The following CUBN variants were observed in gnomAD, a reference collection of about 807,000 sequenced individuals.
CUBN encodes cubilin.
Under a neutral mutation model 405.3 loss-of-function variants are expected in CUBN, and 282 were observed. The ratio of observed to expected loss-of-function variants is 0.70; its 90% CI spans 0.63 to 0.77. CUBN has a LOEUF of 0.77. Among genes scored for constraint, CUBN ranks in the 30% least tolerant of loss-of-function variants. The probability of loss-of-function intolerance (pLI) is 0.00; values close to 1 mark genes in which losing one functional copy is unlikely to be tolerated. For missense variants in CUBN, 4,514 were observed against 4,475.2 expected, an observed-to-expected ratio of 1.01 and a Z score of -0.25; for synonymous variants, 1,684 against 1,617.0, an observed-to-expected ratio of 1.04 and a Z score of -0.99.
chr10:16,874,164 C>T (rs1162636564), intron 58 of CUBN, among the ~76,000 whole-genome samples: 1 of 152,148 alleles, frequency 6.6e-6, no homozygotes, highest in Non-Finnish European at 1.5e-5. Context: ...CTGGTGAGTG[C>T]TTGTTTTTTG....
At chr10:16,903,206 G>A (rs1346193487) in intron 51 of CUBN, among the ~76,000 whole-genome samples, 3 of 152,058 alleles carry the variant, frequency 2.0e-5, no homozygotes, top group African/African-American at 7.3e-5. Flanking sequence ...TCATCTCAAT[G>A]GATGCAGAAA....
At chr10:17,039,786 T>C (rs1834976622) in intron 27 of CUBN, among the ~76,000 whole-genome samples, 1 of 152,200 alleles carries the variant, frequency 6.6e-6, no homozygotes. Flanking sequence ...AACTTTCTAA[T>C]GGGTAAACAC....
chr10:16,997,017 T>C (rs1376813348), intron 28 of CUBN, among the ~76,000 whole-genome samples: 1 of 152,194 alleles, frequency 6.6e-6, no homozygotes. Flanking sequence ...ACGTGCTTCA[T>C]TAAAATGCTC....
At position 16,920,711 on chromosome 10, in the gene CUBN, A is replaced by G. The variant is rs113323959; in HGVS notation, c.6647-574T>C. Among the ~76,000 whole-genome samples the G allele has an allele frequency of 9.1e-4, 139 of 152,324 alleles. 1 individual carries two copies. Among genetic ancestry groups the G allele is most frequent in the African/African-American group, 3.3e-3 (136 of 41,580 alleles). On this transcript the variant is annotated intron_variant, in intron 43 of 66. Transcript: ENST00000377833. Reference sequence around the variant, plus strand: ...GCTTTTTAATATTTCTTTTCTAAAAAACCAAAGCATTATCAAAAAATATTT... The same window carrying G: ...GCTTTTTAATATTTCTTTTCTAAAAGACCAAAGCATTATCAAAAAATATTT...
chr10:16,963,528 T>G (rs1843299835), intron 31 of CUBN, among the ~76,000 whole-genome samples: 1 of 152,130 alleles, frequency 6.6e-6, no homozygotes, highest in African/African-American at 2.4e-5. Flanking sequence ...ACAGAAAAGT[T>G]AAAAGCTAGC....
chr10:17,083,186 T>G (rs1836010270), intron 17 of CUBN, among the ~76,000 whole-genome samples: 2 of 152,042 alleles, frequency 1.3e-5, no homozygotes, highest in Admixed American at 1.3e-4. Flanking sequence ...CATTCTGAAA[T>G]GATCTTAAAT....
Position 17,044,999 on chromosome 10 carries a change from A to C in CUBN, c.3672+8T>G, listed in dbSNP as rs1835094602. ...CAGGGAACAATATGATGGAAACATTATACATACAGCCAGGTAATCTAAAGT... is the reference window on the plus strand; with the variant it reads ...CAGGGAACAATATGATGGAAACATTCTACATACAGCCAGGTAATCTAAAGT... On this transcript the variant is annotated splice_region_variant and intron_variant, in intron 25 of 66. Transcript: ENST00000377833. 6.2e-7 allele frequency: 1 copy of C among 1,613,064 alleles called. No homozygotes were observed. The highest frequency in any genetic ancestry group is 8.5e-7 in the Non-Finnish European group (1 of 1,179,176).
intron 28 of CUBN, among the ~76,000 whole-genome samples, chr10:17,010,012 C>T (rs1259327999): frequency 1.3e-5 from 2 of 152,220 alleles, no homozygotes; most frequent in Non-Finnish European, 2.9e-5. Flanking sequence ...TTCCTCAGAG[C>T]GGTCCATAGA....
chr10:16,882,612 G>C (rs527822519), intron 56 of CUBN, among the ~76,000 whole-genome samples: 1 of 152,336 alleles, frequency 6.6e-6, no homozygotes, highest in African/African-American at 2.4e-5. Flanking sequence ...TCCAAAGTGG[G>C]GGGAGGGCGT....
chr10:16,877,790 C>G (rs1840554908), intron 56 of CUBN, among the ~76,000 whole-genome samples: 1 of 151,864 alleles, frequency 6.6e-6, no homozygotes, highest in African/African-American at 2.4e-5. Context: ...AAATATAAAA[C>G]AAAATAAACA....
intron 33 of CUBN, among the ~76,000 whole-genome samples, chr10:16,951,655 G>A (rs889328288): frequency 2.6e-5 from 4 of 152,010 alleles, no homozygotes; most frequent in Admixed American, 6.6e-5. Context: ...CCTTACCATC[G>A]GACTGTTACC....
At chr10:17,072,510 G>A (rs1835763588) in intron 17 of CUBN, among the ~76,000 whole-genome samples, 1 of 152,072 alleles carries the variant, frequency 6.6e-6, no homozygotes, top group African/African-American at 2.4e-5. Flanking sequence ...AAGGTGAGAG[G>A]AATTGGAGAC....
At chr10:17,115,439 T>A (rs773681582) in intron 7 of CUBN, 32 bp downstream of exon 7, 20 of 1,612,906 alleles carry the variant, frequency 1.2e-5, no homozygotes, top group Non-Finnish European at 1.6e-5. Context: ...CATGGCTCTC[T>A]GCAAGGAGGC....
chr10:17,068,150 G>C lies in CUBN; in HGVS notation c.2922C>G (p.Phe974Leu), dbSNP rs201802902. 2.5e-6 allele frequency: 4 copies of C among 1,613,502 alleles called. No individual in the cohort carries two copies. The highest frequency in any genetic ancestry group is 2.2e-5 in the East Asian group (1 of 44,856). Residue 974 changes from phenylalanine to leucine, a missense_variant, in exon 21 of 67, where the codon TTC (phenylalanine) becomes TTG (leucine). Phe to Leu is a conservative substitution (Grantham distance 22, BLOSUM62 0). Around this residue, in one of 5 missense-constraint regions of CUBN, gnomAD observed 1,448 missense variants for 1,388.0 expected, o/e 1.04. Coordinates refer to ENST00000377833, the MANE Select transcript of CUBN (RefSeq NM_001081.4). ...VQPNHLIHLMFETFHLEFHYN... is the reference protein window; with the variant it reads ...VQPNHLIHLMLETFHLEFHYN... ...AATGAAACTCCAGATGAAATGTTTC[G>C]AACATTAAATGAATCAGGTGATTAG...
At chr10:17,043,677 A>G in intron 26 of CUBN, 150 bp downstream of exon 26, 1 of 1,051,554 alleles carries the variant, frequency 9.5e-7, no homozygotes, top group South Asian at 1.3e-5. Context: ...CGTTACACTT[A>G]TTTCAGTTTG....
At chr10:17,073,973 C>T (rs1296746729) in intron 17 of CUBN, among the ~76,000 whole-genome samples, 1 of 152,144 alleles carries the variant, frequency 6.6e-6, no homozygotes, top group African/African-American at 2.4e-5. Context: ...TTATTCTGGA[C>T]ATTTTTGGAG....
intron 31 of CUBN, among the ~76,000 whole-genome samples, chr10:16,967,384 A>G (rs1843422673): frequency 6.6e-6 from 1 of 152,230 alleles, no homozygotes; most frequent in Non-Finnish European, 1.5e-5. Flanking sequence ...TTACTTTCAC[A>G]AATAAACATT....
At position 16,939,155 on chromosome 10, in the gene CUBN, G is replaced by A. The variant is rs1373726291; in HGVS notation, c.5549-8C>T. ...TATTATCATTGCCAAATACTAGGAG[G>A]GAAGACAGAGTAGTAAATCAGACCC... is the stretch of plus-strand genomic sequence containing the variant. On this transcript the variant is annotated splice_region_variant and splice_polypyrimidine_tract_variant and intron_variant, in intron 37 of 66. Transcript: ENST00000377833. 3 of 1,610,394 alleles carry A rather than the reference G, an allele frequency of 1.9e-6. No individual in the cohort carries two copies. The South Asian group carries it at 3.3e-5, about 18-fold the overall frequency.
intron 2 of CUBN, 32 bp downstream of exon 2, chr10:17,129,088 CA>C (rs772275689): frequency 6.4e-7 from 1 of 1,572,716 alleles, no homozygotes; most frequent in East Asian, 2.2e-5. Flanking sequence ...TATGGATATA[CA>C]AAATGACTTC....
Sources: gnomAD v4.1 joint callset for allele counts (sites outside exome capture counted in the v4.1 genomes callset) on GRCh38, gnomAD v4.1.1 for gene constraint, gnomAD v4.1.1 regional missense constraint, MANE v1.5 for transcripts, NCBI Gene and HGNC (gene_info 2026-07-23, HGNC 2026-07-21) for gene names.